IL1RAPL1: variants seen among roughly 807,000 people sequenced by gnomAD.
IL1RAPL1 encodes the protein interleukin 1 receptor accessory protein like 1, also known as interleukin-1 receptor accessory protein-like 1.
Under a neutral mutation model 48.4 loss-of-function variants are expected in IL1RAPL1, and 3 were observed. The ratio of observed to expected loss-of-function variants is 0.06; its 90% confidence interval spans 0.03 to 0.16. IL1RAPL1 has a LOEUF of 0.16. Ranked by LOEUF, IL1RAPL1 falls within the 10% of genes least tolerant of loss-of-function variation. The pLI is 1.00. For synonymous variants in IL1RAPL1, 185 were observed against 187.7 expected (o/e 0.99, Z 0.12); for missense variants, 349 against 530.6 (o/e 0.66, Z 3.36).
chrX:29,920,455 A>T (rs1932836108), intron 8 of IL1RAPL1, among the ~76,000 whole-genome samples: 1 of 111,228 alleles, frequency 9.0e-6, no homozygotes. Flanking sequence ...GGCTTGACAG[A>T]GCCTATACAA....
intron 1 of IL1RAPL1, among the ~76,000 whole-genome samples, chrX:28,702,204 G>A (rs1363883580): frequency 9.0e-6 from 1 of 111,356 alleles, no homozygotes; most frequent in Non-Finnish European, 1.9e-5. Flanking sequence ...AACATTTTTT[G>A]TTAGTTATGT....
intron 1 of IL1RAPL1, among the ~76,000 whole-genome samples, chrX:28,622,335 A>G (rs1464195845): frequency 1.8e-5 from 2 of 111,691 alleles, no homozygotes; most frequent in Non-Finnish European, 3.8e-5. Flanking sequence ...ACAAATTCAA[A>G]CATTACCAAA....
At chrX:28,608,240 G>T (rs1476623701) in intron 1 of IL1RAPL1, among the ~76,000 whole-genome samples, 2 of 111,605 alleles carry the variant, frequency 1.8e-5, no homozygotes, top group African/African-American at 6.5e-5. Context: ...CCAAGTGAGT[G>T]AATTCTCTTC....
At chrX:29,407,326 A>G (rs749242362) in intron 5 of IL1RAPL1, among the ~76,000 whole-genome samples, 2 of 111,974 alleles carry the variant, frequency 1.8e-5, no homozygotes, top group East Asian at 2.8e-4. Context: ...CTGATAGTGT[A>G]TGACAAAGCG....
chrX:29,177,795 C>T (rs1930056552), intron 2 of IL1RAPL1, among the ~76,000 whole-genome samples: 1 of 111,010 alleles, frequency 9.0e-6, no homozygotes, highest in African/African-American at 3.3e-5. Context: ...TCCCTGTATC[C>T]AAGTGTTCTC....
intron 3 of IL1RAPL1, among the ~76,000 whole-genome samples, chrX:29,380,780 A>C (rs1933686982): frequency 8.9e-6 from 1 of 112,150 alleles, no homozygotes; most frequent in Non-Finnish European, 1.9e-5. Context: ...GAGAGAATTC[A>C]AGAGGAAATG....
intron 2 of IL1RAPL1, among the ~76,000 whole-genome samples, chrX:28,844,044 C>T (rs1026912884): frequency 9.1e-6 from 1 of 109,497 alleles, no homozygotes; most frequent in Non-Finnish European, 1.9e-5. Flanking sequence ...TCTCCTAACA[C>T]TTCCCCTCTC....
chrX:29,877,190 A>T (rs756227826), intron 6 of IL1RAPL1, among the ~76,000 whole-genome samples: 6 of 112,002 alleles, frequency 5.4e-5, no homozygotes, highest in Admixed American at 3.8e-4. Flanking sequence ...AATCTCCATT[A>T]GCTTGATTGG....
intron 1 of IL1RAPL1, among the ~76,000 whole-genome samples, chrX:28,746,046 C>G (rs1394792799): frequency 1.8e-5 from 2 of 111,302 alleles, no homozygotes; most frequent in Non-Finnish European, 3.8e-5. Context: ...TCAACCCATT[C>G]TTTTTTTAAA....
At chrX:29,908,126 ACTTACCCCACTATGG>A in intron 6 of IL1RAPL1, among the ~76,000 whole-genome samples, 1 of 111,091 alleles carries the variant, frequency 9.0e-6, no homozygotes, top group South Asian at 3.8e-4. Context: ...AGATTTACAA[ACTTACCCCACTATGG>A]AAAACTGGCT....
intron 1 of IL1RAPL1, among the ~76,000 whole-genome samples, chrX:28,670,892 G>T (rs1267639724): frequency 8.9e-6 from 1 of 111,914 alleles, no homozygotes; most frequent in Admixed American, 9.5e-5. Flanking sequence ...CACACTGAAA[G>T]GACAATATCT....
intron 2 of IL1RAPL1, among the ~76,000 whole-genome samples, chrX:28,838,984 C>G (rs978519870): frequency 9.0e-6 from 1 of 110,786 alleles, no homozygotes; most frequent in Non-Finnish European, 1.9e-5. Flanking sequence ...GTCTCCAGCT[C>G]CTATGGCACT....
intron 5 of IL1RAPL1, among the ~76,000 whole-genome samples, chrX:29,560,538 CT>C (rs376263309): frequency 9.0e-6 from 1 of 111,693 alleles, no homozygotes; most frequent in African/African-American, 3.2e-5. Flanking sequence ...GCTCTAAATT[CT>C]GTAGGCCTTC....
intron 5 of IL1RAPL1, among the ~76,000 whole-genome samples, chrX:29,438,766 A>G (rs753899584): frequency 3.6e-5 from 4 of 111,245 alleles, no homozygotes; most frequent in Non-Finnish European, 7.6e-5. Flanking sequence ...ATTATTTTAA[A>G]TCAATTGTGG....
chrX:28,621,449 T>C (rs1020998679), intron 1 of IL1RAPL1, among the ~76,000 whole-genome samples: 1 of 112,138 alleles, frequency 8.9e-6, no homozygotes, highest in Non-Finnish European at 1.9e-5. Context: ...ACATTTGACA[T>C]GGCAATGCAC....
intron 2 of IL1RAPL1, among the ~76,000 whole-genome samples, chrX:29,109,050 A>G (rs1928507467): frequency 9.0e-6 from 1 of 111,701 alleles, no homozygotes; most frequent in African/African-American, 3.3e-5. Context: ...TAAAGCATGT[A>G]TACAATGAAT....
chrX:29,881,197 G>A (rs1246001871), intron 6 of IL1RAPL1, among the ~76,000 whole-genome samples: 2 of 110,648 alleles, frequency 1.8e-5, no homozygotes, highest in Non-Finnish European at 3.8e-5. Flanking sequence ...ATGACAGCAC[G>A]CAGTCTAAGG....
At chrX:29,196,563 A>G (rs748236112) in intron 2 of IL1RAPL1, among the ~76,000 whole-genome samples, 3 of 111,500 alleles carry the variant, frequency 2.7e-5, no homozygotes, top group South Asian at 3.7e-4. Context: ...GAATAATCTC[A>G]TAACAGTTAC....
At chrX:29,599,357 G>C (rs1923647496) in intron 5 of IL1RAPL1, among the ~76,000 whole-genome samples, 1 of 112,132 alleles carries the variant, frequency 8.9e-6, no homozygotes, top group Non-Finnish European at 1.9e-5. Context: ...CCCAATACTT[G>C]TAGCTTGTAG....
Sources: gnomAD v4.1 joint callset for allele counts (sites outside exome capture counted in the v4.1 genomes callset) on GRCh38, gnomAD v4.1.1 for gene constraint, MANE v1.5 for transcripts, NCBI Gene and HGNC (gene_info 2026-07-23, HGNC 2026-07-21) for gene names.